Variants in COL13A1 observed in about 807,000 individuals in gnomAD.
The protein encoded by COL13A1 is collagen type XIII alpha 1 chain.
Under a neutral mutation model 130.9 loss-of-function variants are expected in COL13A1, and 89 were observed. The observed-to-expected ratio is 0.68, with a 90% CI of 0.57 to 0.81. The LOEUF is 0.81. Ranked by LOEUF, COL13A1 falls within the 30% of genes least tolerant of loss-of-function variation. The probability of loss-of-function intolerance (pLI) is 0.00; values close to 1 mark genes in which losing one functional copy is unlikely to be tolerated. For missense variants in COL13A1, 879 were observed against 934.6 expected (o/e 0.94, Z 0.78); for synonymous variants, 402 against 341.6 (o/e 1.18, Z -1.95).
chr10:69,874,991 C>T (rs2059433862), intron 4 of COL13A1, 137 bp from the exon 5 acceptor site: 2 of 935,766 alleles, frequency 2.1e-6, no homozygotes, highest in Non-Finnish European at 1.7e-6. Flanking sequence ...GATGCTTGGG[C>T]ATCATACGGG....
intron 2 of COL13A1, among the ~76,000 whole-genome samples, chr10:69,825,405 C>T (rs1847234478): frequency 6.6e-6 from 1 of 152,196 alleles, no homozygotes; most frequent in African/African-American, 2.4e-5. Context: ...TTACTTTTGT[C>T]TTGCAGCACC....
rs754445213 is a variant in COL13A1, at chr10:69,888,267, G to A, written c.550-37G>A. ...GCAGCCTCTTTGGCAGGAGTCCTGT[G>A]ATGCTCAGTCTTTACATCTGGCCTT... On this transcript the variant is annotated intron_variant, in intron 8 of 40. Coordinates refer to ENST00000645393, the MANE Select transcript of COL13A1 (RefSeq NM_001368882.1). The A allele has an allele frequency of 5.0e-6, 8 of 1,611,068 alleles. No individual in the cohort carries two copies. In the African/African-American group the frequency reaches 1.1e-4, roughly 22 times the overall value.
At chr10:69,904,811 A>C in intron 15 of COL13A1, 122 bp from the exon 16 acceptor site, 1 of 1,061,386 alleles carries the variant, frequency 9.4e-7, no homozygotes, top group Non-Finnish European at 1.4e-6. Context: ...TAGCATGCCT[A>C]TTCTCTTGCC....
chr10:69,905,693 G>C, intron 16 of COL13A1, 94 bp from the exon 17 acceptor site: 2 of 1,417,530 alleles, frequency 1.4e-6, no homozygotes, highest in Non-Finnish European at 2.0e-6. Flanking sequence ...TGGAGTCATC[G>C]AGAGGAAGAG....
chr10:69,898,048 T>A (rs1183500036), intron 13 of COL13A1, among the ~76,000 whole-genome samples: 3 of 152,144 alleles, frequency 2.0e-5, no homozygotes, highest in Admixed American at 1.3e-4. Context: ...CAGCAGCACT[T>A]AACATGTGCC....
At chr10:69,824,522 A>T (rs1442822105) in intron 2 of COL13A1, among the ~76,000 whole-genome samples, 1 of 152,174 alleles carries the variant, frequency 6.6e-6, no homozygotes, top group Non-Finnish European at 1.5e-5. Context: ...AGGAGGGGGA[A>T]GGACTTGGAA....
chr10:69,813,331 C>A (rs924210391), intron 1 of COL13A1, among the ~76,000 whole-genome samples: 1 of 152,192 alleles, frequency 6.6e-6, no homozygotes, highest in Non-Finnish European at 1.5e-5. Context: ...CTCCTTGCGG[C>A]AGTAGCAGGG....
chr10:69,915,082 A>C (rs886538629), intron 17 of COL13A1, among the ~76,000 whole-genome samples: 17 of 152,268 alleles, frequency 1.1e-4, no homozygotes, highest in Admixed American at 1.0e-3. Context: ...AACAGACAAC[A>C]GACTATCCAA....
intron 2 of COL13A1, among the ~76,000 whole-genome samples, chr10:69,839,925 C>T (rs1023560030): frequency 2.0e-5 from 3 of 152,174 alleles, no homozygotes; most frequent in Non-Finnish European, 4.4e-5. Flanking sequence ...GGGGAGCCAC[C>T]GGCTCTGGGC....
At chr10:69,874,639 C>T (rs2059404798) in intron 4 of COL13A1, among the ~76,000 whole-genome samples, 1 of 152,152 alleles carries the variant, frequency 6.6e-6, no homozygotes, top group South Asian at 2.1e-4. Context: ...CTTTCTCAAA[C>T]CAGGGGCTGG....
At chr10:69,812,979 T>C (rs961237903) in intron 1 of COL13A1, among the ~76,000 whole-genome samples, 24 of 152,226 alleles carry the variant, frequency 1.6e-4, no homozygotes, top group Non-Finnish European at 1.5e-4. Context: ...ACAGCTCTGA[T>C]GACAATGGCT....
chr10:69,904,461 A>G lies in COL13A1; in HGVS notation c.859-472A>G, dbSNP rs373670124. ...TTCCCTGGCCTCTCCCTCGGCTCAC[A>G]CCACCTCACTGTGGCCAGCTGCCAT... On this transcript the variant is annotated intron_variant, in intron 15 of 40. Transcript: ENST00000645393. Among the ~76,000 whole-genome samples, 25 of 152,216 alleles carry G rather than the reference A, an allele frequency of 1.6e-4. No homozygotes were observed. In the South Asian group the frequency reaches 4.8e-3, roughly 29 times the overall value.
intron 1 of COL13A1, among the ~76,000 whole-genome samples, chr10:69,804,771 T>C (rs1229317484): frequency 8.7e-6 from 1 of 114,742 alleles, no homozygotes; most frequent in Non-Finnish European, 1.7e-5. Context: ...AGGGAAGTAG[T>C]GCACAAAGAA....
chr10:69,901,799 C>A (rs773581659), intron 14 of COL13A1, among the ~76,000 whole-genome samples: 5 of 152,194 alleles, frequency 3.3e-5, no homozygotes, highest in Non-Finnish European at 7.3e-5. Flanking sequence ...CCAGGGGGAG[C>A]ATGATGCCAT....
intron 1 of COL13A1, among the ~76,000 whole-genome samples, chr10:69,813,239 ACCCCTGAGATCCTTGAGGTCCTGGG>A (rs1843525154): frequency 6.6e-6 from 1 of 151,882 alleles, no homozygotes; most frequent in Non-Finnish European, 1.5e-5. Context: ...TGACCCCTGG[ACCCCTGAGATCCTTGAGGTCCTGGG>A]CCCCTTGCCA....
At chr10:69,865,526 G>T (rs2058437549) in intron 2 of COL13A1, among the ~76,000 whole-genome samples, 1 of 152,146 alleles carries the variant, frequency 6.6e-6, no homozygotes, top group Non-Finnish European at 1.5e-5. Flanking sequence ...CCTAACAGGG[G>T]AAAAAAGGTG....
chr10:69,901,554 C>T (rs552466849), intron 14 of COL13A1, among the ~76,000 whole-genome samples: 31 of 152,188 alleles, frequency 2.0e-4, no homozygotes, highest in Non-Finnish European at 8.8e-5. Flanking sequence ...GCCTGGAACT[C>T]CAGCCGCCTG....
chr10:69,880,761 T>C (rs1160878075), intron 7 of COL13A1, among the ~76,000 whole-genome samples: 1 of 152,122 alleles, frequency 6.6e-6, no homozygotes, highest in Non-Finnish European at 1.5e-5. Flanking sequence ...TAAATTACAG[T>C]CCCTTGGGAG....
chr10:69,817,294 A>G (rs145340043), intron 1 of COL13A1, among the ~76,000 whole-genome samples: 1,798 of 151,716 alleles, frequency 0.012, 47 homozygotes, highest in African/African-American at 0.041. Context: ...ACAGATGGGG[A>G]GCTTAGGAGG....
Sources: gnomAD v4.1 joint callset for allele counts (sites outside exome capture counted in the v4.1 genomes callset) on GRCh38, gnomAD v4.1.1 for gene constraint, MANE v1.5 for transcripts, NCBI Gene and HGNC (gene_info 2026-07-23, HGNC 2026-07-21) for gene names.